PTPRG: variants seen among roughly 807,000 people sequenced by gnomAD.
The protein encoded by PTPRG is receptor-type tyrosine-protein phosphatase gamma.
In PTPRG, 102 loss-of-function variants were observed where a neutral mutation model predicts 165.3. The ratio of observed to expected loss-of-function variants is 0.62; its 90% CI spans 0.53 to 0.73. PTPRG has a LOEUF of 0.73. PTPRG is among the 30% of genes least tolerant of loss of function. PTPRG has a pLI of 0.00. For missense variants in PTPRG, 1,866 were observed against 1,861.4 expected (o/e 1.00, Z -0.05); for synonymous variants, 675 against 669.5 (o/e 1.01, Z -0.13).
chr3:61,890,956 T>G (rs943073895), intron 2 of PTPRG, among the ~76,000 whole-genome samples: 1 of 152,234 alleles, frequency 6.6e-6, no homozygotes, highest in Non-Finnish European at 1.5e-5. Flanking sequence ...AATATTACAT[T>G]TTATTCTTGA....
At chr3:61,640,176 A>G (rs1479377293) in intron 1 of PTPRG, among the ~76,000 whole-genome samples, 2 of 152,174 alleles carry the variant, frequency 1.3e-5, no homozygotes, top group East Asian at 3.9e-4. Flanking sequence ...AGTCCTGCCC[A>G]TTGTCCATGA....
intron 5 of PTPRG, among the ~76,000 whole-genome samples, chr3:62,101,006 T>C (rs114989857): frequency 0.014 from 2,122 of 152,328 alleles, 51 homozygotes; most frequent in African/African-American, 0.047. Flanking sequence ...TAAAGGAACA[T>C]GTTAAGACAT....
chr3:62,216,524 C>T (rs1700509433), intron 12 of PTPRG, among the ~76,000 whole-genome samples: 1 of 151,976 alleles, frequency 6.6e-6, no homozygotes, highest in Admixed American at 6.5e-5. Flanking sequence ...ACAGGACATC[C>T]AGGTCTTTGA....
intron 4 of PTPRG, among the ~76,000 whole-genome samples, chr3:62,008,786 G>A (rs897882578): frequency 4.6e-5 from 7 of 152,292 alleles, no homozygotes; most frequent in African/African-American, 1.7e-4. Flanking sequence ...CGCACGTGCA[G>A]TTCACAATAG....
At chr3:61,731,257 G>T (rs1461691550) in intron 1 of PTPRG, among the ~76,000 whole-genome samples, 3 of 152,102 alleles carry the variant, frequency 2.0e-5, no homozygotes, top group Non-Finnish European at 4.4e-5. Context: ...AGAATTGAAA[G>T]ACAGAGGGTT....
intron 1 of PTPRG, among the ~76,000 whole-genome samples, chr3:61,640,949 C>A (rs920004138): frequency 1.3e-5 from 2 of 152,090 alleles, no homozygotes; most frequent in Non-Finnish European, 2.9e-5. Flanking sequence ...GTGCCCCTTG[C>A]TGTTTGAGGT....
intron 2 of PTPRG, among the ~76,000 whole-genome samples, chr3:61,984,933 C>T (rs2040722251): frequency 6.6e-6 from 1 of 152,146 alleles, no homozygotes; most frequent in Admixed American, 6.5e-5. Flanking sequence ...GATGTATTCC[C>T]CATGATTATA....
intron 1 of PTPRG, among the ~76,000 whole-genome samples, chr3:61,744,444 A>T (rs1416103528): frequency 1.3e-5 from 2 of 152,338 alleles, no homozygotes; most frequent in East Asian, 3.9e-4. Context: ...TAGGCTACAA[A>T]CCTGTACAAT....
intron 2 of PTPRG, among the ~76,000 whole-genome samples, chr3:61,935,065 T>C (rs1470713909): frequency 6.6e-6 from 1 of 152,136 alleles, no homozygotes; most frequent in Admixed American, 6.5e-5. Flanking sequence ...CCTCCTCTCC[T>C]TCCCACACAT....
chr3:61,660,519 T>C (rs1334095591), intron 1 of PTPRG, among the ~76,000 whole-genome samples: 1 of 152,240 alleles, frequency 6.6e-6, no homozygotes, highest in African/African-American at 2.4e-5. Flanking sequence ...CTCTCGCCTC[T>C]GTTCACATAG....
intron 2 of PTPRG, among the ~76,000 whole-genome samples, chr3:61,850,011 T>A (rs557917767): frequency 3.9e-5 from 6 of 152,294 alleles, no homozygotes; most frequent in Middle Eastern, 3.4e-3. Context: ...CAAACCTCAT[T>A]TCCTTGTTTC....
intron 2 of PTPRG, among the ~76,000 whole-genome samples, chr3:61,835,665 C>G: frequency 6.6e-6 from 1 of 152,056 alleles, no homozygotes; most frequent in East Asian, 1.9e-4. Context: ...ATGGCCTGGC[C>G]TTGTTGGTAG....
chr3:61,979,918 C>G (rs1299275294), intron 2 of PTPRG, among the ~76,000 whole-genome samples: 1 of 152,084 alleles, frequency 6.6e-6, no homozygotes, highest in Non-Finnish European at 1.5e-5. Context: ...CCTTGTAAAA[C>G]TGCTTTTAAT....
chr3:62,030,268 C>G (rs973655822), intron 4 of PTPRG, among the ~76,000 whole-genome samples: 1 of 151,762 alleles, frequency 6.6e-6, no homozygotes, highest in Non-Finnish European at 1.5e-5. Flanking sequence ...ACATTACTCC[C>G]CCTCTCACCC....
intron 2 of PTPRG, among the ~76,000 whole-genome samples, chr3:61,761,792 C>A (rs925819146): frequency 1.3e-5 from 2 of 152,122 alleles, no homozygotes; most frequent in Admixed American, 6.6e-5. Flanking sequence ...AGGAAAACAA[C>A]CTTCTTCTTA....
At chr3:61,852,544 G>A (rs374680718) in intron 2 of PTPRG, among the ~76,000 whole-genome samples, 1 of 152,184 alleles carries the variant, frequency 6.6e-6, no homozygotes, top group Non-Finnish European at 1.5e-5. Context: ...CTTCAGTGAC[G>A]TTATAATTGG....
intron 5 of PTPRG, among the ~76,000 whole-genome samples, chr3:62,123,102 T>C (rs969290769): frequency 5.9e-5 from 9 of 152,242 alleles, no homozygotes; most frequent in African/African-American, 1.9e-4. Context: ...AGTTTCTGTG[T>C]GTCCTCAGAT....
At chr3:62,127,796 A>G (rs913445966) in intron 5 of PTPRG, among the ~76,000 whole-genome samples, 1 of 152,204 alleles carries the variant, frequency 6.6e-6, no homozygotes, top group African/African-American at 2.4e-5. Context: ...GAACGCAGGC[A>G]CATGTCGTCT....
At chr3:62,259,421 A>C (rs900376540) in intron 16 of PTPRG, among the ~76,000 whole-genome samples, 3 of 152,012 alleles carry the variant, frequency 2.0e-5, no homozygotes, top group African/African-American at 7.3e-5. Flanking sequence ...GAAAAAAAAA[A>C]CCCTCAATGT....
Sources: allele counts gnomAD v4.1 joint callset (sites outside exome capture counted in the v4.1 genomes callset), GRCh38; gene constraint gnomAD v4.1.1; transcripts MANE v1.5; gene names NCBI Gene and HGNC (gene_info 2026-07-23, HGNC 2026-07-21).